AGAP1: variants seen among roughly 807,000 people sequenced by gnomAD.
The protein encoded by AGAP1 is arf-GAP with GTPase, ANK repeat and PH domain-containing protein 1.
Under a neutral mutation model 105.3 loss-of-function variants are expected in AGAP1, and 29 were observed. The ratio of observed to expected loss-of-function variants is 0.28; its 90% CI spans 0.21 to 0.38. The LOEUF is 0.38. AGAP1 is among the 10% of genes least tolerant of loss of function. The pLI, the probability that AGAP1 is intolerant of heterozygous loss-of-function variation, is 1.00. For synonymous variants in AGAP1, 509 were observed against 485.9 expected (o/e 1.05, Z -0.63); for missense variants, 998 against 1,165.1 (o/e 0.86, Z 2.09).
intron 1 of AGAP1, among the ~76,000 whole-genome samples, chr2:235,529,615 G>A (rs1942976056): frequency 6.6e-6 from 1 of 152,192 alleles, no homozygotes; most frequent in Non-Finnish European, 1.5e-5. Flanking sequence ...CTGGAAGGGA[G>A]CAGTGAGCAC....
chr2:236,026,602 G>A (rs925926347), intron 13 of AGAP1, among the ~76,000 whole-genome samples: 5 of 152,098 alleles, frequency 3.3e-5, no homozygotes, highest in Non-Finnish European at 7.4e-5. Flanking sequence ...GGTGGCAGGC[G>A]CCTGCAATCC....
At position 235,739,850 on chromosome 2, in the gene AGAP1, C is replaced by A. The variant is rs1203683690; in HGVS notation, c.311-1113C>A. On this transcript the variant is annotated intron_variant, in intron 3 of 17. Coordinates refer to ENST00000304032, the MANE Select transcript of AGAP1 (RefSeq NM_001037131.3). The surrounding 1 kb of genome is among the most constrained non-coding windows in gnomAD (Gnocchi z 5.3). ...ACCCAGGATTCTAGGAGGGAAGGTTCCCGTCGCAGGGGAGGGAATCAGACG... is the reference window on the plus strand; with the variant it reads ...ACCCAGGATTCTAGGAGGGAAGGTTACCGTCGCAGGGGAGGGAATCAGACG... Among the ~76,000 whole-genome samples, 1 of 152,166 alleles carries A rather than the reference C, an allele frequency of 6.6e-6. No homozygotes were observed. The highest frequency in any genetic ancestry group is 1.5e-5 in the Non-Finnish European group (1 of 68,024).
rs1347111578 is a variant in AGAP1, at chr2:235,927,637, T to C, written c.1325-3128T>C. ...GGGGTTGAGATTGACTTGGCTCTCCTTACTGTGTGTTGATACTTACTTCTG... is the reference window on the plus strand; with the variant it reads ...GGGGTTGAGATTGACTTGGCTCTCCCTACTGTGTGTTGATACTTACTTCTG... On this transcript the variant is annotated intron_variant, in intron 11 of 17. Coordinates refer to ENST00000304032, the MANE Select transcript of AGAP1 (RefSeq NM_001037131.3). This position sits in a 1 kb window ranked among gnomAD's most constrained non-coding sequence, Gnocchi z 4.4. 1.3e-5 allele frequency among the ~76,000 whole-genome samples: 2 copies of C among 152,196 alleles called. No individual in the cohort carries two copies. The highest frequency in any genetic ancestry group is 2.9e-5 in the Non-Finnish European group (2 of 68,026).
At position 236,123,775 on chromosome 2, in the gene AGAP1, G is replaced by C. The variant is rs545105730; in HGVS notation, c.2371-144G>C. 62 of 974,366 alleles carry C rather than the reference G, an allele frequency of 6.4e-5. No homozygotes were observed. In the African/African-American group the frequency reaches 8.0e-4, roughly 13 times the overall value. The allele number at this position is 974,366 out of a possible 1,614,324, so 60.4% of individuals were successfully genotyped here. ...GGTGCAGGCTGTGCCACCAGCACTG[G>C]ATGGTCCTGGCACCCCAGCCAGTTG... On this transcript the variant is annotated intron_variant, in intron 17 of 17. Coordinates refer to ENST00000304032, the MANE Select transcript of AGAP1 (RefSeq NM_001037131.3). This position sits in a 1 kb window ranked among gnomAD's most constrained non-coding sequence, Gnocchi z 4.6.
chr2:235,703,365 C>T (rs1042539211), intron 1 of AGAP1, among the ~76,000 whole-genome samples: 4 of 152,124 alleles, frequency 2.6e-5, no homozygotes, highest in African/African-American at 9.7e-5. Flanking sequence ...CGGGAGCATC[C>T]TCCCCCGGCT....
intron 1 of AGAP1, among the ~76,000 whole-genome samples, chr2:235,686,588 C>CACACACACACACACACATAT (rs1553605459): frequency 9.2e-6 from 1 of 108,508 alleles, no homozygotes; most frequent in African/African-American, 3.4e-5. Context: ...CACACACACA[C>CACACACACACACACACATAT]GTGTGTGTGT....
intron 6 of AGAP1, among the ~76,000 whole-genome samples, chr2:235,791,068 AAC>A (rs1487070257): frequency 6.6e-6 from 1 of 152,232 alleles, no homozygotes; most frequent in Non-Finnish European, 1.5e-5. Context: ...TATCGCTGAA[AAC>A]ACAGATCATA....
At chr2:235,684,434 C>T (rs1440490704) in intron 1 of AGAP1, among the ~76,000 whole-genome samples, 3 of 152,130 alleles carry the variant, frequency 2.0e-5, no homozygotes, top group Non-Finnish European at 2.9e-5. Flanking sequence ...TGGAAAAAAC[C>T]GTCATTGCCC....
In AGAP1 at chr2:235,995,595, C is replaced by T. The variant is rs753753085; in HGVS notation, c.1645+26972C>T. Among the ~76,000 whole-genome samples, 10 of 152,196 alleles carry T rather than the reference C, an allele frequency of 6.6e-5. No homozygotes were observed. The South Asian group carries it at 1.0e-3, about 16-fold the overall frequency. On this transcript the variant is annotated intron_variant, in intron 13 of 17. Transcript: ENST00000304032. ...CATCATAGATGGCAGGCACATTCAC[C>T]GTGCACGGCAGCCCCACAACAATGT...
At chr2:235,730,477 T>A (rs866379985) in intron 3 of AGAP1, among the ~76,000 whole-genome samples, 1,525 of 123,866 alleles carry the variant, frequency 0.012, 21 homozygotes, top group African/African-American at 0.03. Context: ...GTTTACCTTT[T>A]AAAAAAAAAA....
At chr2:235,524,853 G>A (rs976990724) in intron 1 of AGAP1, among the ~76,000 whole-genome samples, 4 of 152,200 alleles carry the variant, frequency 2.6e-5, no homozygotes, top group Admixed American at 6.5e-5. Context: ...TTCTTGGGCC[G>A]ATTGTTGGAT....
At chr2:235,918,423 CAG>C (rs1352958109) in intron 11 of AGAP1, among the ~76,000 whole-genome samples, 1 of 152,208 alleles carries the variant, frequency 6.6e-6, no homozygotes, top group Non-Finnish European at 1.5e-5. Flanking sequence ...TCTCAGACAT[CAG>C]AAAGTTAGCT....
At chr2:235,658,438 ATAAG>A (rs1256035733) in intron 1 of AGAP1, among the ~76,000 whole-genome samples, 2 of 152,188 alleles carry the variant, frequency 1.3e-5, no homozygotes, top group African/African-American at 4.8e-5. Context: ...TTATGGCTTT[ATAAG>A]TGAGTATTTC....
At position 235,737,579 on chromosome 2, in the gene AGAP1, T is replaced by C. The variant is rs1044640098; in HGVS notation, c.311-3384T>C. ...ATTGTGATTCAGCCACCTGGAAGCTTCACTTGTGAACGTGACTCTGCAAAA... is the reference window on the plus strand; with the variant it reads ...ATTGTGATTCAGCCACCTGGAAGCTCCACTTGTGAACGTGACTCTGCAAAA... On this transcript the variant is annotated intron_variant, in intron 3 of 17. Coordinates refer to ENST00000304032, the MANE Select transcript of AGAP1 (RefSeq NM_001037131.3). The surrounding 1 kb of genome is among the most constrained non-coding windows in gnomAD (Gnocchi z 4.5). Among the ~76,000 whole-genome samples the C allele has an allele frequency of 2.0e-5, 3 of 152,182 alleles. No individual in the cohort carries two copies. Among genetic ancestry groups the C allele is most frequent in the African/African-American group, 7.2e-5 (3 of 41,458 alleles).
chr2:235,677,112 TTC>T (rs1368293686), intron 1 of AGAP1, among the ~76,000 whole-genome samples: 1 of 152,234 alleles, frequency 6.6e-6, no homozygotes, highest in African/African-American at 2.4e-5. Context: ...CGTTTGCTAG[TTC>T]TCTCTTCTCC....
rs990386839 is a variant in AGAP1, at chr2:235,608,083, G to A, written c.164-101096G>A. On this transcript the variant is annotated intron_variant, in intron 1 of 17. Transcript: ENST00000304032. This position sits in a 1 kb window ranked among gnomAD's most constrained non-coding sequence, Gnocchi z 5.4. ...CCTGTCTCAGAGCGTGGGCGGGTTG[G>A]CATCGTCTGCACGTTGACCGGGTCG... Among the ~76,000 whole-genome samples, 2 of 152,144 alleles carry A rather than the reference G, an allele frequency of 1.3e-5. No homozygotes were observed. The highest frequency in any genetic ancestry group is 2.9e-5 in the Non-Finnish European group (2 of 68,034).
At chr2:236,059,732 G>T (rs2058139651) in intron 16 of AGAP1, among the ~76,000 whole-genome samples, 1 of 152,194 alleles carries the variant, frequency 6.6e-6, no homozygotes, top group Non-Finnish European at 1.5e-5. Flanking sequence ...GGAAGGAATA[G>T]TCTTTTTAGG....
intron 11 of AGAP1, among the ~76,000 whole-genome samples, chr2:235,921,860 C>T (rs1278421042): frequency 6.6e-6 from 1 of 152,194 alleles, no homozygotes; most frequent in Non-Finnish European, 1.5e-5. Context: ...CCTGAAATTC[C>T]ACTTGCCAAA....
chr2:235,538,928 A>AT (rs11354935), intron 1 of AGAP1, among the ~76,000 whole-genome samples: 4 of 151,884 alleles, frequency 2.6e-5, no homozygotes, highest in Non-Finnish European at 5.9e-5. Context: ...TTTTAAAGCC[A>AT]TTTTTTTTTC....
Sources: allele counts gnomAD v4.1 joint callset (sites outside exome capture counted in the v4.1 genomes callset), GRCh38; gene constraint gnomAD v4.1.1; non-coding constraint Gnocchi (gnomAD v3.1); transcripts MANE v1.5; gene names NCBI Gene and HGNC (gene_info 2026-07-23, HGNC 2026-07-21).